PLCB4: variants seen among roughly 807,000 people sequenced by gnomAD.
The protein encoded by PLCB4 is phospholipase C beta 4.
In PLCB4, 77 loss-of-function variants were observed where a neutral mutation model predicts 178.8. The ratio of observed to expected loss-of-function variants is 0.43; its 90% CI spans 0.36 to 0.52. PLCB4 has a LOEUF of 0.52. Ranked by LOEUF, PLCB4 falls within the 20% of genes least tolerant of loss-of-function variation. PLCB4 has a pLI of 0.00. For synonymous variants in PLCB4, 496 were observed against 490.8 expected, an observed-to-expected ratio of 1.01 and a Z score of -0.14; for missense variants, 1,024 against 1,453.4, an observed-to-expected ratio of 0.70 and a Z score of 4.80.
chr20:9,478,281 T>C (rs987159578), intron 39 of PLCB4, among the ~76,000 whole-genome samples: 2 of 152,090 alleles, frequency 1.3e-5, no homozygotes, highest in African/African-American at 4.8e-5. Flanking sequence ...TTCCTGGTAG[T>C]CCATAAAAAG....
intron 2 of PLCB4, among the ~76,000 whole-genome samples, chr20:9,215,749 G>A (rs991258771): frequency 2.0e-5 from 3 of 152,168 alleles, no homozygotes; most frequent in Admixed American, 1.3e-4. Flanking sequence ...GTCCCCTAGA[G>A]GGAGCTAGAG....
chr20:9,246,080 A>G (rs1184305874), intron 3 of PLCB4, among the ~76,000 whole-genome samples: 7 of 152,336 alleles, frequency 4.6e-5, no homozygotes, highest in African/African-American at 1.7e-4. Context: ...ATAATTTTAT[A>G]TAGCTCTTTT....
intron 2 of PLCB4, among the ~76,000 whole-genome samples, chr20:9,132,182 G>A (rs1377952581): frequency 1.3e-5 from 2 of 152,170 alleles, no homozygotes; most frequent in Non-Finnish European, 2.9e-5. Flanking sequence ...CATGGTCTGT[G>A]CAAAAGGACA....
chr20:9,220,622 C>T (rs899399498), intron 3 of PLCB4, among the ~76,000 whole-genome samples: 2 of 152,106 alleles, frequency 1.3e-5, no homozygotes, highest in Non-Finnish European at 1.5e-5. Context: ...GGGTGACAGA[C>T]GAGACTCCAT....
chr20:9,371,910 C>G (rs938813210), intron 10 of PLCB4, among the ~76,000 whole-genome samples: 1 of 152,194 alleles, frequency 6.6e-6, no homozygotes, highest in African/African-American at 2.4e-5. Flanking sequence ...TTCACATGGT[C>G]TTGCAAAAAT....
chr20:9,261,970 T>A (rs1181521850), intron 3 of PLCB4, among the ~76,000 whole-genome samples: 1 of 152,230 alleles, frequency 6.6e-6, no homozygotes, highest in African/African-American at 2.4e-5. Context: ...CTGTGTTGTT[T>A]ACCTTTAACT....
At chr20:9,198,819 A>G (rs2093505077) in intron 2 of PLCB4, among the ~76,000 whole-genome samples, 1 of 152,224 alleles carries the variant, frequency 6.6e-6, no homozygotes, top group African/African-American at 2.4e-5. Flanking sequence ...TCAAATTGGA[A>G]TAGAAGAATG....
intron 26 of PLCB4, 80 bp downstream of exon 26, chr20:9,419,989 T>G: frequency 2.3e-6 from 2 of 874,022 alleles, no homozygotes; most frequent in Non-Finnish European, 3.8e-6. Flanking sequence ...TATTGAATGT[T>G]AAATTGCAAG....
intron 3 of PLCB4, among the ~76,000 whole-genome samples, chr20:9,305,405 T>G (rs2094754275): frequency 6.6e-6 from 1 of 152,152 alleles, no homozygotes; most frequent in Admixed American, 6.5e-5. Flanking sequence ...TTAGTATCTC[T>G]GTTCCCTTCC....
chr20:9,428,208 A>C (rs1387331286), intron 28 of PLCB4, among the ~76,000 whole-genome samples: 1 of 152,186 alleles, frequency 6.6e-6, no homozygotes, highest in Non-Finnish European at 1.5e-5. Flanking sequence ...AACTTGTTCC[A>C]TCTGTCCTCT....
At chr20:9,301,804 A>G (rs976302408) in intron 3 of PLCB4, among the ~76,000 whole-genome samples, 4 of 151,822 alleles carry the variant, frequency 2.6e-5, no homozygotes, top group African/African-American at 9.7e-5. Flanking sequence ...CCCGCTTCCA[A>G]AGTTTCTTGC....
intron 7 of PLCB4, among the ~76,000 whole-genome samples, chr20:9,357,567 T>C (rs1372461493): frequency 6.6e-6 from 1 of 152,114 alleles, no homozygotes; most frequent in East Asian, 1.9e-4. Context: ...CCCTCTAAGG[T>C]GATGGCATTA....
chr20:9,078,356 C>CTCCTT (rs1555811104), intron 1 of PLCB4, among the ~76,000 whole-genome samples: 5 of 151,186 alleles, frequency 3.3e-5, no homozygotes, highest in Admixed American at 3.3e-4. Flanking sequence ...TTCTTTTCTT[C>CTCCTT]TCTTTTCTTT....
At chr20:9,286,289 G>A (rs898439504) in intron 3 of PLCB4, among the ~76,000 whole-genome samples, 11 of 151,904 alleles carry the variant, frequency 7.2e-5, no homozygotes, top group Admixed American at 7.2e-4. Context: ...AACACATTTG[G>A]GATATATCTC....
At chr20:9,118,955 G>A (rs1457883552) in intron 2 of PLCB4, among the ~76,000 whole-genome samples, 1 of 152,124 alleles carries the variant, frequency 6.6e-6, no homozygotes, top group Non-Finnish European at 1.5e-5. Flanking sequence ...AAAATAAGAT[G>A]AAATTCTTAA....
At chr20:9,255,539 T>G (rs980906815) in intron 3 of PLCB4, among the ~76,000 whole-genome samples, 1 of 149,788 alleles carries the variant, frequency 6.7e-6, no homozygotes, top group Non-Finnish European at 1.5e-5. Flanking sequence ...TTTTTTTTTT[T>G]GTAAGTTTAG....
rs2042281220 is a variant in PLCB4, at chr20:9,444,331, A to C, written c.2880+88A>C. On this transcript the variant is annotated intron_variant, in intron 32 of 39. Transcript: ENST00000378473. ...ACTACTTTGAAGCTGATACCAGACC[A>C]CTTAACAGTAATAACTCATTCTAAC... is the stretch of plus-strand genomic sequence containing the variant. The C allele has an allele frequency of 3.9e-6, 3 of 761,984 alleles. No individual in the cohort carries two copies. In the South Asian group the frequency reaches 4.8e-5, roughly 12 times the overall value. The allele number at this position is 761,984 out of a possible 1,614,324, so 47.2% of individuals were successfully genotyped here. A position where few individuals can be genotyped will look rare whatever the true frequency, so the allele number is the denominator to read the frequency against.
At chr20:9,230,969 A>G (rs532217370) in intron 3 of PLCB4, among the ~76,000 whole-genome samples, 9 of 152,284 alleles carry the variant, frequency 5.9e-5, no homozygotes, top group African/African-American at 2.2e-4. Context: ...CCCATGGCCT[A>G]TTATATTTTA....
rs774179311 is a variant in PLCB4, at chr20:9,423,936, G to T, written c.2508G>T (p.Val836=). 1 of 1,605,452 alleles carries T rather than the reference G, an allele frequency of 6.2e-7. No individual in the cohort carries two copies. Among genetic ancestry groups the T allele is most frequent in the Non-Finnish European group, 8.5e-7 (1 of 1,172,894 alleles). ...GCAATATTGTTCTTAAAACATATGT[G>T]CCTGATGGATTTGGAGGTAAGATAA... is the stretch of plus-strand genomic sequence containing the variant. ...IFCNIVLKTY[V]PDGFGDIVDA... The change falls in exon 28 of 40, where the codon GTG becomes GTT. Residue 836 remains valine, a synonymous_variant. Coordinates refer to ENST00000378473, the MANE Select transcript of PLCB4 (RefSeq NM_001377142.1).
Sources: gnomAD v4.1 joint callset for allele counts (sites outside exome capture counted in the v4.1 genomes callset) on GRCh38, gnomAD v4.1.1 for gene constraint, MANE v1.5 for transcripts, NCBI Gene and HGNC (gene_info 2026-07-23, HGNC 2026-07-21) for gene names.